The following CFAP54 variants were observed in gnomAD, a reference collection of about 807,000 sequenced individuals.
The protein encoded by CFAP54 is cilia- and flagella-associated protein 54.
In CFAP54, 290 loss-of-function variants were observed where a neutral mutation model predicts 370.4. That is an observed-to-expected ratio of 0.78 (90% CI 0.71 to 0.86). CFAP54 has a LOEUF of 0.86. Among genes scored for constraint, CFAP54 ranks in the 40% least tolerant of loss-of-function variants. CFAP54 has a pLI of 0.00. For missense variants in CFAP54, 3,399 were observed against 3,528.7 expected, an observed-to-expected ratio of 0.96 and a Z score of 0.93; for synonymous variants, 1,206 against 1,236.5, an observed-to-expected ratio of 0.98 and a Z score of 0.52.
At chr12:96,499,901 G>A (rs979416486) in intron 1 of CFAP54, among the ~76,000 whole-genome samples, 1 of 151,684 alleles carries the variant, frequency 6.6e-6, no homozygotes, top group Admixed American at 6.6e-5. Flanking sequence ...AGCCAAGATC[G>A]TGCCACTGCA....
At chr12:96,537,339 A>G (rs1230405255) in intron 12 of CFAP54, among the ~76,000 whole-genome samples, 1 of 151,432 alleles carries the variant, frequency 6.6e-6, no homozygotes, top group Non-Finnish European at 1.5e-5. Flanking sequence ...CCCTGCTCCA[A>G]TTCCTTATTA....
rs918942496 is a variant in CFAP54 at position 96,809,261 on chromosome 12, C to T, written c.8851-2475C>T. Among the ~76,000 whole-genome samples the T allele has an allele frequency of 8.6e-5, 13 of 151,974 alleles. 1 individual carries two copies. Among genetic ancestry groups the T allele is most frequent in the African/African-American group, 3.1e-4 (13 of 41,452 alleles). On this transcript the variant is annotated intron_variant, in intron 63 of 67. Transcript: ENST00000524981. Reference sequence around the variant, plus strand: ...ATGGCCTTTTTTTATTTAATAATTTCCTCCCTCTGATTATCTTAGTACCTT... The same window carrying T: ...ATGGCCTTTTTTTATTTAATAATTTTCTCCCTCTGATTATCTTAGTACCTT...
intron 36 of CFAP54, among the ~76,000 whole-genome samples, chr12:96,655,029 G>T (rs185665117): frequency 1.4e-5 from 2 of 139,208 alleles, no homozygotes; most frequent in African/African-American, 4.9e-5. Context: ...AATGTGAATG[G>T]CCAAAAAAAT....
At chr12:96,832,099 T>C (rs1027184577) in intron 66 of CFAP54, among the ~76,000 whole-genome samples, 1 of 152,104 alleles carries the variant, frequency 6.6e-6, no homozygotes, top group African/African-American at 2.4e-5. Context: ...TGATAGTGAA[T>C]AAGTCTCATG....
chr12:96,494,090 G>C (rs2136341653), intron 1 of CFAP54, among the ~76,000 whole-genome samples: 1 of 152,188 alleles, frequency 6.6e-6, no homozygotes, highest in South Asian at 2.1e-4. Context: ...AGGATGAATA[G>C]GGGGACAAAA....
intron 6 of CFAP54, among the ~76,000 whole-genome samples, chr12:96,519,993 T>C (rs534007590): frequency 1.3e-5 from 2 of 152,264 alleles, no homozygotes; most frequent in South Asian, 4.1e-4. Context: ...TTTTCTCTGC[T>C]AACCACCATT....
intron 14 of CFAP54, among the ~76,000 whole-genome samples, chr12:96,546,225 C>T (rs867545031): frequency 1.3e-5 from 2 of 152,110 alleles, no homozygotes; most frequent in Non-Finnish European, 2.9e-5. Flanking sequence ...TGGAAGTGAA[C>T]AGGGTTGGAG....
intron 22 of CFAP54, among the ~76,000 whole-genome samples, chr12:96,588,845 C>T (rs1372847074): frequency 2.6e-5 from 4 of 152,098 alleles, no homozygotes; most frequent in Non-Finnish European, 4.4e-5. Flanking sequence ...TAGGCTTCAC[C>T]AGTGAAATTA....
At chr12:96,505,164 A>G (rs1311273492) in intron 3 of CFAP54, among the ~76,000 whole-genome samples, 1 of 151,206 alleles carries the variant, frequency 6.6e-6, no homozygotes, top group Non-Finnish European at 1.5e-5. Flanking sequence ...CCTAGGTTCA[A>G]GCAATTCTCC....
intron 66 of CFAP54, among the ~76,000 whole-genome samples, chr12:96,846,287 C>A (rs964125391): frequency 2.6e-5 from 4 of 152,300 alleles, no homozygotes; most frequent in South Asian, 4.1e-4. Context: ...TTCCAGCCCC[C>A]AGTTATGAGC....
intron 26 of CFAP54, among the ~76,000 whole-genome samples, chr12:96,621,093 A>C (rs1190393192): frequency 6.6e-6 from 1 of 152,196 alleles, no homozygotes; most frequent in Non-Finnish European, 1.5e-5. Flanking sequence ...GGAATCTGCC[A>C]AAAACAGCTT....
intron 26 of CFAP54, among the ~76,000 whole-genome samples, chr12:96,607,557 A>C (rs1283298699): frequency 6.6e-6 from 1 of 152,218 alleles, no homozygotes; most frequent in Admixed American, 6.5e-5. Flanking sequence ...GTGGTAAATG[A>C]ATTCAAAAGG....
intron 63 of CFAP54, among the ~76,000 whole-genome samples, chr12:96,803,771 T>C (rs1958849013): frequency 2.0e-5 from 3 of 152,028 alleles, no homozygotes; most frequent in Admixed American, 6.6e-5. Flanking sequence ...TTCATAAAAT[T>C]GGAACAAGTA....
intron 48 of CFAP54, among the ~76,000 whole-genome samples, chr12:96,711,225 T>A (rs958680427): frequency 1.3e-5 from 2 of 152,192 alleles, no homozygotes; most frequent in Admixed American, 6.5e-5. Flanking sequence ...ATAATTCTTT[T>A]TTTAAATTCT....
intron 62 of CFAP54, among the ~76,000 whole-genome samples, chr12:96,787,524 AGC>A (rs748459034): frequency 6.6e-6 from 1 of 152,260 alleles, no homozygotes; most frequent in Non-Finnish European, 1.5e-5. Context: ...AGTCTTGAAT[AGC>A]AGTAGTTTGG....
At chr12:96,668,058 G>T (rs939761536) in intron 39 of CFAP54, among the ~76,000 whole-genome samples, 20 of 151,880 alleles carry the variant, frequency 1.3e-4, no homozygotes, top group African/African-American at 4.8e-4. Flanking sequence ...CCTGGACTTT[G>T]TTGTCCATAT....
chr12:96,838,723 A>G (rs1331803526), intron 66 of CFAP54, among the ~76,000 whole-genome samples: 1 of 152,214 alleles, frequency 6.6e-6, no homozygotes, highest in Non-Finnish European at 1.5e-5. Context: ...TTGGGTGGGA[A>G]CACAAAGCTA....
At chr12:96,675,367 G>T (rs1385223466) in intron 39 of CFAP54, among the ~76,000 whole-genome samples, 2 of 152,186 alleles carry the variant, frequency 1.3e-5, no homozygotes, top group Non-Finnish European at 2.9e-5. Context: ...TCAGAGAAGT[G>T]CAAATCAAAA....
At chr12:96,678,219 C>G (rs556928003) in intron 39 of CFAP54, among the ~76,000 whole-genome samples, 1 of 152,104 alleles carries the variant, frequency 6.6e-6, no homozygotes, top group Non-Finnish European at 1.5e-5. Flanking sequence ...TGAGATTAAC[C>G]TTTAGAAGTG....
Sources: gnomAD v4.1 joint callset for allele counts (sites outside exome capture counted in the v4.1 genomes callset) on GRCh38, gnomAD v4.1.1 for gene constraint, MANE v1.5 for transcripts, NCBI Gene and HGNC (gene_info 2026-07-23, HGNC 2026-07-21) for gene names.